Variants in GLCE observed in about 807,000 individuals in gnomAD.
GLCE encodes the protein glucuronic acid epimerase.
In GLCE, 19 loss-of-function variants were observed where a neutral mutation model predicts 47.9. That is an observed-to-expected ratio of 0.40 (90% CI 0.28 to 0.58). The LOEUF is 0.58. GLCE is among the 20% of genes least tolerant of loss of function. The pLI is 0.48. For synonymous variants in GLCE, 245 were observed against 263.4 expected (o/e 0.93, Z 0.68); for missense variants, 556 against 743.3 (o/e 0.75, Z 2.93).
intron 1 of GLCE, among the ~76,000 whole-genome samples, chr15:69,181,761 A>T (rs2051751674): frequency 1.3e-5 from 2 of 152,114 alleles, no homozygotes; most frequent in African/African-American, 2.4e-5. Flanking sequence ...GGAGGGAGAG[A>T]AATAGAATAG....
chr15:69,226,165 T>C (rs1013667434), intron 2 of GLCE, among the ~76,000 whole-genome samples: 3 of 152,162 alleles, frequency 2.0e-5, no homozygotes, highest in Non-Finnish European at 4.4e-5. Flanking sequence ...TTAAACTACC[T>C]ACCTTTAGGT....
chr15:69,191,576 C>T (rs900509569), intron 1 of GLCE, among the ~76,000 whole-genome samples: 3 of 152,144 alleles, frequency 2.0e-5, no homozygotes, highest in Non-Finnish European at 4.4e-5. Context: ...ACAGGAAGCT[C>T]ATTAGAGACT....
intron 2 of GLCE, among the ~76,000 whole-genome samples, chr15:69,236,210 T>C (rs575488802): frequency 3.3e-5 from 5 of 152,304 alleles, no homozygotes; most frequent in Admixed American, 3.3e-4. Context: ...CTTGGAATTA[T>C]CATTAATAAA....
intron 1 of GLCE, among the ~76,000 whole-genome samples, chr15:69,165,256 C>T (rs1022373495): frequency 1.3e-5 from 2 of 152,158 alleles, no homozygotes; most frequent in African/African-American, 2.4e-5. Context: ...TTTCTTAAAG[C>T]CCATACTTTA....
At chr15:69,241,642 C>T (rs1193900967) in intron 2 of GLCE, among the ~76,000 whole-genome samples, 1 of 152,160 alleles carries the variant, frequency 6.6e-6, no homozygotes, top group African/African-American at 2.4e-5. Context: ...CTACTTTATG[C>T]ATATGGTATA....
At chr15:69,189,848 G>T (rs1052956372) in intron 1 of GLCE, among the ~76,000 whole-genome samples, 3 of 151,774 alleles carry the variant, frequency 2.0e-5, no homozygotes, top group African/African-American at 7.3e-5. Context: ...AAGTTCAGGG[G>T]TACATGTGCA....
intron 2 of GLCE, among the ~76,000 whole-genome samples, chr15:69,248,151 T>C (rs1005385577): frequency 6.6e-6 from 1 of 152,208 alleles, no homozygotes; most frequent in African/African-American, 2.4e-5. Context: ...TTTTGCCTTA[T>C]TGTGAGTAGC....
intron 2 of GLCE, among the ~76,000 whole-genome samples, chr15:69,232,141 T>A (rs2052533947): frequency 6.6e-6 from 1 of 152,232 alleles, no homozygotes; most frequent in Non-Finnish European, 1.5e-5. Flanking sequence ...ATTGTCTGAG[T>A]AATTACCATT....
At chr15:69,256,536 G>A in intron 3 of GLCE, 144 bp downstream of exon 3, 1 of 661,016 alleles carries the variant, frequency 1.5e-6, no homozygotes. Context: ...AACAGGTTAA[G>A]CCTGAACCTA....
chr15:69,181,824 C>T (rs1482158434), intron 1 of GLCE, among the ~76,000 whole-genome samples: 6 of 150,744 alleles, frequency 4.0e-5, no homozygotes, highest in East Asian at 1.9e-4. Flanking sequence ...TTTGTTTTGA[C>T]GTGTTTGTAG....
At chr15:69,239,560 C>G (rs755666132) in intron 2 of GLCE, among the ~76,000 whole-genome samples, 1 of 152,166 alleles carries the variant, frequency 6.6e-6, no homozygotes, top group Non-Finnish European at 1.5e-5. Context: ...AACCCCACAT[C>G]TAGTTACCAC....
intron 2 of GLCE, among the ~76,000 whole-genome samples, chr15:69,232,204 T>A (rs980638085): frequency 6.6e-6 from 1 of 152,230 alleles, no homozygotes; most frequent in Non-Finnish European, 1.5e-5. Context: ...ATGGACAACT[T>A]CCTGTGTCTG....
chr15:69,210,742 G>A (rs572377405), intron 2 of GLCE, among the ~76,000 whole-genome samples: 2 of 152,228 alleles, frequency 1.3e-5, no homozygotes, highest in South Asian at 4.1e-4. Context: ...TTTGCCTAGA[G>A]CAGGAGTCAG....
At chr15:69,217,690 G>A (rs1271138136) in intron 2 of GLCE, among the ~76,000 whole-genome samples, 2 of 152,124 alleles carry the variant, frequency 1.3e-5, no homozygotes, top group Non-Finnish European at 2.9e-5. Context: ...GAAGAAGGAT[G>A]GAATTTAACT....
chr15:69,201,296 A>C lies in GLCE; in HGVS notation c.-104-9020A>C, dbSNP rs142776922. On this transcript the variant is annotated intron_variant, in intron 1 of 4. Transcript: ENST00000261858. ...TGGAGGGCCATTGTTCTGCCTGTCA[A>C]AGAGGGCTAGATCACTGGAGTCAAG... is the stretch of plus-strand genomic sequence containing the variant. Among the ~76,000 whole-genome samples the C allele has an allele frequency of 5.8e-3, 880 of 152,166 alleles. 13 individuals carry two copies. The highest frequency in any genetic ancestry group is 0.021 in the African/African-American group (856 of 41,536).
chr15:69,197,868 A>G (rs550684058), intron 1 of GLCE, among the ~76,000 whole-genome samples: 1 of 152,272 alleles, frequency 6.6e-6, no homozygotes, highest in African/African-American at 2.4e-5. Flanking sequence ...GTTTAATGTG[A>G]CAGGAATAAT....
intron 1 of GLCE, among the ~76,000 whole-genome samples, chr15:69,171,872 G>A (rs1438437063): frequency 2.6e-5 from 4 of 152,290 alleles, no homozygotes; most frequent in Non-Finnish European, 2.9e-5. Flanking sequence ...TCTAAGGGCC[G>A]CTGAAAGAAT....
intron 1 of GLCE, among the ~76,000 whole-genome samples, chr15:69,176,355 CTGGGACTGCAGG>C (rs1246965739): frequency 6.7e-6 from 1 of 149,902 alleles, no homozygotes; most frequent in Non-Finnish European, 1.5e-5. Context: ...TCCCAAGTAG[CTGGGACTGCAGG>C]TGGGCAATAC....
intron 2 of GLCE, among the ~76,000 whole-genome samples, chr15:69,243,504 TA>T (rs2052703967): frequency 6.7e-6 from 1 of 149,468 alleles, no homozygotes; most frequent in Non-Finnish European, 1.5e-5. Context: ...TTTGGGAGGC[TA>T]AAAGGATCAC....
Sources: allele counts gnomAD v4.1 joint callset (sites outside exome capture counted in the v4.1 genomes callset), GRCh38; gene constraint gnomAD v4.1.1; transcripts MANE v1.5; gene names NCBI Gene and HGNC (gene_info 2026-07-23, HGNC 2026-07-21).